The following GABRB1 variants were observed in gnomAD, a reference collection of about 807,000 sequenced individuals.
GABRB1 encodes gamma-aminobutyric acid type A receptor subunit beta1.
Under a neutral mutation model 51.6 loss-of-function variants are expected in GABRB1, and 17 were observed. The observed-to-expected ratio is 0.33, with a 90% CI of 0.23 to 0.49. The LOEUF is 0.49. Ranked by LOEUF, GABRB1 falls within the 20% of genes least tolerant of loss-of-function variation. The pLI, the probability that GABRB1 is intolerant of heterozygous loss-of-function variation, is 0.99. For synonymous variants in GABRB1, 247 were observed against 218.9 expected (o/e 1.13, Z -1.14); for missense variants, 410 against 600.6 (o/e 0.68, Z 3.32).
At chr4:47,288,681 A>T (rs1723605720) in intron 4 of GABRB1, among the ~76,000 whole-genome samples, 1 of 152,196 alleles carries the variant, frequency 6.6e-6, no homozygotes, top group African/African-American at 2.4e-5. Context: ...AATCATCATC[A>T]TCATCATAGC....
chr4:47,287,577 G>A (rs943281186), intron 4 of GABRB1, among the ~76,000 whole-genome samples: 5 of 152,096 alleles, frequency 3.3e-5, no homozygotes, highest in African/African-American at 1.2e-4. Context: ...CTTTGTGTTA[G>A]ACAGCATCTA....
upstream of GABRB1, among the ~76,000 whole-genome samples, chr4:47,028,525 T>C (rs1008170256): frequency 2.0e-5 from 3 of 151,774 alleles, no homozygotes; most frequent in African/African-American, 7.2e-5. Flanking sequence ...TATCTCCTAA[T>C]TGGTCACTTC....
At chr4:47,398,884 G>C (rs1198133393) in intron 5 of GABRB1, among the ~76,000 whole-genome samples, 1 of 150,482 alleles carries the variant, frequency 6.6e-6, no homozygotes, top group Admixed American at 6.6e-5. Context: ...TCCGCCTCCC[G>C]GGTTCACGCC....
intron 2 of GABRB1, 84 bp from the exon 3 acceptor site, chr4:47,032,333 G>A (rs41305779): frequency 0.015 from 18,548 of 1,244,860 alleles, 228 homozygotes; most frequent in South Asian, 0.043. Flanking sequence ...TAAGAATGGA[G>A]TAAGGGCTGG....
At chr4:47,272,701 C>A (rs1722919444) in intron 4 of GABRB1, among the ~76,000 whole-genome samples, 1 of 152,152 alleles carries the variant, frequency 6.6e-6, no homozygotes, top group African/African-American at 2.4e-5. Context: ...GTTTTCCTTA[C>A]AAACACTATC....
At chr4:47,377,849 A>G (rs1727443970) in intron 5 of GABRB1, among the ~76,000 whole-genome samples, 1 of 152,160 alleles carries the variant, frequency 6.6e-6, no homozygotes, top group African/African-American at 2.4e-5. Flanking sequence ...TGAGGTAGAC[A>G]CAGGGTGCTG....
At position 47,284,626 on chromosome 4, in the gene GABRB1, C is replaced by A. The variant is rs146087390; in HGVS notation, c.462-35501C>A. 2.0e-3 allele frequency among the ~76,000 whole-genome samples: 309 copies of A among 152,250 alleles called. 2 individuals are homozygous for A. Among genetic ancestry groups the A allele is most frequent in the Non-Finnish European group, 3.3e-3 (225 of 68,024 alleles). On this transcript the variant is annotated intron_variant, in intron 4 of 8. Transcript: ENST00000295454. The stretch of plus-strand genomic sequence containing the variant: ...TTTCAAGTAGTGTTATATCGCTTTT[C>A]GTAAGTAATCCTAAAGTGGCTTTTT...
chr4:47,407,035 A>T (rs1487697094), intron 8 of GABRB1, 109 bp downstream of exon 8: 1 of 1,093,646 alleles, frequency 9.1e-7, no homozygotes, highest in Non-Finnish European at 1.3e-6. Context: ...TTGATATTTA[A>T]TAAGACTCAA....
rs2110051479 is a variant in GABRB1, at chr4:47,403,370, A to G, written c.597A>G (p.Ala199=). 1 of 1,614,044 alleles carries G rather than the reference A, an allele frequency of 6.2e-7. No individual in the cohort carries two copies. ...TTTACTGGAATGGAGGAGAAGGGGCAGTCACTGGTGTTAATAAAATCGAAC... is the reference window on the plus strand; with the variant it reads ...TTTACTGGAATGGAGGAGAAGGGGCGGTCACTGGTGTTAATAAAATCGAAC... ...IEFYWNGGEG[A]VTGVNKIELP... is the part of the protein sequence containing the mutation. Residue 199 remains alanine (A), a synonymous_variant, in exon 6 of 9, where the codon GCA becomes GCG. Transcript: ENST00000295454.
chr4:47,075,859 A>C (rs1190403694), intron 3 of GABRB1, among the ~76,000 whole-genome samples: 1 of 152,120 alleles, frequency 6.6e-6, no homozygotes, highest in Non-Finnish European at 1.5e-5. Flanking sequence ...CTTTTTCAAA[A>C]AATGCAGGAG....
At chr4:47,136,546 A>T (rs1716665799) in intron 3 of GABRB1, among the ~76,000 whole-genome samples, 1 of 152,114 alleles carries the variant, frequency 6.6e-6, no homozygotes. Flanking sequence ...ACAAAGAATG[A>T]ATCAAAATAC....
At chr4:47,123,878 ATATAATAT>A (rs1715978752) in intron 3 of GABRB1, among the ~76,000 whole-genome samples, 1 of 77,194 alleles carries the variant, frequency 1.3e-5, no homozygotes, top group African/African-American at 4.4e-5. Context: ...TATATCTTAT[ATATAATAT>A]ATATAATATA....
intron 4 of GABRB1, among the ~76,000 whole-genome samples, chr4:47,167,991 A>G (rs1296919718): frequency 6.6e-6 from 1 of 152,132 alleles, no homozygotes; most frequent in African/African-American, 2.4e-5. Flanking sequence ...CCATTCCAAT[A>G]CTGCTCCACA....
intron 4 of GABRB1, among the ~76,000 whole-genome samples, chr4:47,250,966 G>A (rs142114848): frequency 6.0e-4 from 91 of 152,128 alleles, no homozygotes; most frequent in Middle Eastern, 3.4e-3. Context: ...GTATTTCTTG[G>A]TTTGGATCCA....
In GABRB1 at chr4:47,230,451, G is replaced by A. The variant is rs111907799; in HGVS notation, c.461+68982G>A. Among the ~76,000 whole-genome samples, 295 of 152,232 alleles carry A rather than the reference G, an allele frequency of 1.9e-3. 3 individuals carry two copies. Among genetic ancestry groups the A allele is most frequent in the African/African-American group, 6.6e-3 (275 of 41,562 alleles). On this transcript the variant is annotated intron_variant, in intron 4 of 8. Transcript: ENST00000295454. ...AGCATGTCAGTCAGAGAGAGATTTG[G>A]GGAGCTAGAGCAGCAGGAAGAGAGA...
chr4:47,138,460 C>T (rs533014627), intron 3 of GABRB1, among the ~76,000 whole-genome samples: 10 of 152,144 alleles, frequency 6.6e-5, no homozygotes, highest in East Asian at 1.9e-4. Flanking sequence ...CCCCTCAGTA[C>T]GAAGGCTGGG....
intron 3 of GABRB1, among the ~76,000 whole-genome samples, chr4:47,040,859 A>G (rs1034492108): frequency 2.0e-5 from 3 of 152,172 alleles, no homozygotes; most frequent in Non-Finnish European, 4.4e-5. Flanking sequence ...CTTTTTATCT[A>G]GGAGGACCTA....
intron 3 of GABRB1, chr4:47,032,685 CA>C (rs760848757): frequency 5.6e-6 from 4 of 715,676 alleles, no homozygotes; most frequent in South Asian, 1.5e-5. Context: ...TGCGGTGTTC[CA>C]GGGGAAACGT....
At chr4:47,073,581 G>A (rs1727430178) in intron 3 of GABRB1, among the ~76,000 whole-genome samples, 1 of 152,126 alleles carries the variant, frequency 6.6e-6, no homozygotes, top group Non-Finnish European at 1.5e-5. Context: ...CAAACCAATG[G>A]AAAAGTTGGA....
Sources: allele counts gnomAD v4.1 joint callset (sites outside exome capture counted in the v4.1 genomes callset), GRCh38; gene constraint gnomAD v4.1.1; transcripts MANE v1.5; gene names NCBI Gene and HGNC (gene_info 2026-07-23, HGNC 2026-07-21).